Variants in SRSF7 observed in about 807,000 individuals in gnomAD.
SRSF7 encodes serine and arginine rich splicing factor 7.
In SRSF7, 15 loss-of-function variants were observed where a neutral mutation model predicts 42.2. The observed-to-expected ratio is 0.36, with a 90% CI of 0.24 to 0.55. The LOEUF is 0.55. SRSF7 is among the 20% of genes least tolerant of loss of function. The pLI, the probability that SRSF7 is intolerant of heterozygous loss-of-function variation, is 0.88. For synonymous variants in SRSF7, 138 were observed against 107.9 expected, an observed-to-expected ratio of 1.28 and a Z score of -1.73; for missense variants, 181 against 305.9, an observed-to-expected ratio of 0.59 and a Z score of 3.04.
chr2:38,744,353 T>C lies in SRSF7; in HGVS notation c.*780A>G. 3.9e-5 allele frequency: 6 copies of C among 152,552 alleles called. No homozygotes were observed. The highest frequency in any genetic ancestry group is 2.6e-4 in the Admixed American group (4 of 15,260). 9.4% of individuals were successfully genotyped at this position (152,552 alleles called of 1,614,324 possible). On this transcript the variant is annotated 3_prime_UTR_variant, in exon 8 of 8. Coordinates refer to ENST00000313117, the MANE Select transcript of SRSF7 (RefSeq NM_001031684.3). Reference sequence around the variant, plus strand: ...TCAGACAATTCCTCAAACATGCATTTTTTGGTATAAAACTGGTTAACTAAT... The same window carrying C: ...TCAGACAATTCCTCAAACATGCATTCTTTGGTATAAAACTGGTTAACTAAT...
Position 38,746,190 on chromosome 2 carries a change from A to G in SRSF7, c.627-11T>C. On this transcript the variant is annotated splice_polypyrimidine_tract_variant and intron_variant, in intron 6 of 7. Transcript: ENST00000313117. ...CTGGACTTTGATCGGCTGTCAAAACATGAGAAATTCTATTAAAGAAAGAGT... is the reference window on the plus strand; with the variant it reads ...CTGGACTTTGATCGGCTGTCAAAACGTGAGAAATTCTATTAAAGAAAGAGT... 1 of 1,614,048 alleles carries G rather than the reference A, an allele frequency of 6.2e-7. No individual in the cohort carries two copies. Among genetic ancestry groups the G allele is most frequent in the Non-Finnish European group, 8.5e-7 (1 of 1,179,956 alleles).
At chr2:38,749,782 A>C (rs1668005983) in intron 2 of SRSF7, 77 bp from the exon 3 acceptor site, 4 of 1,413,638 alleles carry the variant, frequency 2.8e-6, no homozygotes, top group Non-Finnish European at 3.7e-6. Flanking sequence ...AACTCTTTCC[A>C]ACCACTCACT....
At chr2:38,746,251 T>C (rs185806363) in intron 6 of SRSF7, 72 bp from the exon 7 acceptor site, 9 of 1,517,776 alleles carry the variant, frequency 5.9e-6, no homozygotes, top group Non-Finnish European at 8.2e-6. Flanking sequence ...ACCAATACCG[T>C]AAAACCCCCA....
Position 38,751,355 on chromosome 2 carries a change from G to A in SRSF7, c.-99C>T. 2.4e-5 allele frequency: 37 copies of A among 1,551,732 alleles called. No individual in the cohort carries two copies. The highest frequency in any genetic ancestry group is 1.7e-4 in the Middle Eastern group (1 of 5,966). The stretch of plus-strand genomic sequence containing the variant: ...CCTTCACCCGCCAAGAGTCCCGGCG[G>A]CACTACGAGGAAGAGCCCGGGTTCG... On this transcript the variant is annotated 5_prime_UTR_variant, in exon 1 of 8. Transcript: ENST00000313117.
chr2:38,748,479 C>G, intron 4 of SRSF7, 100 bp downstream of exon 4: 1 of 1,216,796 alleles, frequency 8.2e-7, no homozygotes, highest in Non-Finnish European at 1.2e-6. Context: ...GGTGACAGAG[C>G]AAGACCCTGT....
chr2:38,747,262 C>G (rs1363344671), intron 5 of SRSF7: 1 of 313,522 alleles, frequency 3.2e-6, no homozygotes, highest in Non-Finnish European at 6.6e-6. Flanking sequence ...AGCCATCAAT[C>G]TGTCAGACAA....
At chr2:38,747,697 G>A (rs1572563792) in intron 5 of SRSF7, among the ~76,000 whole-genome samples, 1 of 152,102 alleles carries the variant, frequency 6.6e-6, no homozygotes, top group African/African-American at 2.4e-5. Context: ...TTTTCCTGGT[G>A]CTAATAGGCC....
Position 38,744,412 on chromosome 2 carries a change from G to C in SRSF7, c.*721C>G. ...CAAAGAAACAAGACCATTGAGAGTA[G>C]AACTCCCCATATCTTGGGGAGTCCT... On this transcript the variant is annotated 3_prime_UTR_variant, in exon 8 of 8. Transcript: ENST00000313117. The C allele has an allele frequency of 6.6e-6, 1 of 152,524 alleles. No homozygotes were observed. Among genetic ancestry groups the C allele is most frequent in the East Asian group, 1.9e-4 (1 of 5,178 alleles). 9.4% of individuals were successfully genotyped at this position (152,524 alleles called of 1,614,324 possible).
chr2:38,749,053 C>T, intron 3 of SRSF7: 1 of 1,306,122 alleles, frequency 7.7e-7, no homozygotes. Context: ...TTGATTGACG[C>T]AAGAAGATTT....
chr2:38,748,422 C>T (rs1008687196), intron 4 of SRSF7, among the ~76,000 whole-genome samples, 157 bp downstream of exon 4: 1 of 152,116 alleles, frequency 6.6e-6, no homozygotes, highest in African/African-American at 2.4e-5. Context: ...CCCAAGAGAT[C>T]ATCAAGGCAG....
Position 38,745,041 on chromosome 2 carries a change from T to C in SRSF7, c.*92A>G. Reference sequence around the variant, plus strand: ...ATCCATTTTGATTAGATGGTTGAATTATCTTTCCTAGGTTACACTTTACAG... The same window carrying C: ...ATCCATTTTGATTAGATGGTTGAATCATCTTTCCTAGGTTACACTTTACAG... On this transcript the variant is annotated 3_prime_UTR_variant, in exon 8 of 8. Transcript: ENST00000313117. The C allele has an allele frequency of 3.1e-6, 4 of 1,278,436 alleles. No homozygotes were observed. The highest frequency in any genetic ancestry group is 2.3e-5 in the East Asian group (1 of 42,566). The allele number at this position is 1,278,436 out of a possible 1,614,324, so 79.2% of individuals were successfully genotyped here.
chr2:38,746,669 A>G, intron 6 of SRSF7, 25 bp downstream of exon 6: 1 of 1,612,190 alleles, frequency 6.2e-7, no homozygotes, highest in Non-Finnish European at 8.5e-7. Context: ...ATAACTAGAA[A>G]AGCATAATCA....
In SRSF7 at chr2:38,744,374, CTAAT is replaced by C; in HGVS notation, c.*755_*758del. 4 of 152,186 alleles carry C rather than the reference CTAAT, an allele frequency of 2.6e-5. No individual in the cohort carries two copies. Among genetic ancestry groups the C allele is most frequent in the Non-Finnish European group, 5.9e-5 (4 of 67,764 alleles). 9.4% of individuals were successfully genotyped at this position (152,186 alleles called of 1,614,324 possible). A position where few individuals can be genotyped will look rare whatever the true frequency, so the allele number is the denominator to read the frequency against. Reference sequence around the variant, plus strand: ...CATTTTTTGGTATAAAACTGGTTAACTAATGTAGAAAGCAAAGAAACAAGACCAT... The same window carrying C: ...CATTTTTTGGTATAAAACTGGTTAACGTAGAAAGCAAAGAAACAAGACCAT... On this transcript the variant is annotated 3_prime_UTR_variant, in exon 8 of 8. Transcript: ENST00000313117.
chr2:38,750,975 G>A, intron 1 of SRSF7: 2 of 429,964 alleles, frequency 4.7e-6, no homozygotes, highest in Admixed American at 3.6e-5. Context: ...CGCGAAAACC[G>A]TCATCTCAAC....
intron 5 of SRSF7, among the ~76,000 whole-genome samples, chr2:38,747,567 TAAA>T (rs374964528): frequency 6.7e-6 from 1 of 148,250 alleles, no homozygotes; most frequent in South Asian, 2.1e-4. Flanking sequence ...TGAAACGGTC[TAAA>T]AAAAAAAATC....
At chr2:38,749,397 TAAAC>T (rs1667946462) in intron 3 of SRSF7, 128 bp downstream of exon 3, 2 of 1,554,206 alleles carry the variant, frequency 1.3e-6, no homozygotes, top group Non-Finnish European at 8.7e-7. Context: ...TTTTTTTAAT[TAAAC>T]AAAAATTGTA....
At position 38,744,468 on chromosome 2, in the gene SRSF7, A is replaced by G; in HGVS notation, c.*665T>C. The G allele has an allele frequency of 6.8e-6, 1 of 146,868 alleles. No homozygotes were observed. The highest frequency in any genetic ancestry group is 1.5e-5 in the Non-Finnish European group (1 of 67,018). 9.1% of individuals were successfully genotyped at this position (146,868 alleles called of 1,614,324 possible). On this transcript the variant is annotated 3_prime_UTR_variant, in exon 8 of 8. Transcript: ENST00000313117. The stretch of plus-strand genomic sequence containing the variant: ...ACACTATGCCACCTAGTAGCCTGAA[A>G]GCTGCAATTAGTATAAAGATCATCC...
chr2:38,750,165 T>C lies in SRSF7; in HGVS notation c.58A>G (p.Thr20Ala). The C allele has an allele frequency of 6.2e-7, 1 of 1,611,760 alleles. No individual in the cohort carries two copies. Among genetic ancestry groups the C allele is most frequent in the Non-Finnish European group, 8.5e-7 (1 of 1,179,160 alleles). Residue 20 changes from threonine (T) to alanine (A), a missense_variant, in exon 2 of 8, where the codon ACT (threonine) becomes GCT (alanine). Thr to Ala is a moderately conservative substitution (Grantham distance 58). Around this residue, in one of 2 missense-constraint regions of SRSF7, gnomAD observed 45 missense variants for 158.1 expected, o/e 0.28. Transcript: ENST00000313117. ...ETKVYVGNLG[T>A]GAGKGELERA... ...TCTAACTCTCCTTTGCCAGCGCCAGTTCCCAGGTTACCAACATACACCTTG... is the reference window on the plus strand; with the variant it reads ...TCTAACTCTCCTTTGCCAGCGCCAGCTCCCAGGTTACCAACATACACCTTG...
At position 38,744,109 on chromosome 2, in the gene SRSF7, A is replaced by C; in HGVS notation, c.*1024T>G. On this transcript the variant is annotated 3_prime_UTR_variant, in exon 8 of 8. Transcript: ENST00000313117. ...GCTAAATATAGCTGAGATTTACAAA[A>C]CCACTTTAGTCTCATTGACATTTCT... The C allele has an allele frequency of 6.6e-6, 1 of 152,514 alleles. No homozygotes were observed. The highest frequency in any genetic ancestry group is 2.1e-4 in the South Asian group (1 of 4,822). The allele number at this position is 152,514 out of a possible 1,614,324, so 9.4% of individuals were successfully genotyped here. A position where few individuals can be genotyped will look rare whatever the true frequency, so the allele number is the denominator to read the frequency against.
Sources: gnomAD v4.1 joint callset for allele counts (sites outside exome capture counted in the v4.1 genomes callset) on GRCh38, gnomAD v4.1.1 for gene constraint, gnomAD v4.1.1 regional missense constraint, MANE v1.5 for transcripts, NCBI Gene and HGNC (gene_info 2026-07-23, HGNC 2026-07-21) for gene names.